TMEM245: variants seen among roughly 807,000 people sequenced by gnomAD.
The protein encoded by TMEM245 is protein CG-2.
TMEM245 carries 69 observed loss-of-function variants against 101.2 expected under a neutral mutation model. That is an observed-to-expected ratio of 0.68 (90% CI 0.56 to 0.83). The LOEUF is 0.83. TMEM245 is among the 40% of genes least tolerant of loss of function. The pLI, the probability that TMEM245 is intolerant of heterozygous loss-of-function variation, is 0.00. For synonymous variants in TMEM245, 537 were observed against 449.8 expected, an observed-to-expected ratio of 1.19 and a Z score of -2.45; for missense variants, 1,075 against 1,092.8, an observed-to-expected ratio of 0.98 and a Z score of 0.23.
chr9:109,076,710 G>C (rs1003494793), intron 8 of TMEM245, among the ~76,000 whole-genome samples: 1 of 151,802 alleles, frequency 6.6e-6, no homozygotes, highest in South Asian at 2.1e-4. Context: ...TTTTGTTTGA[G>C]ACAGTGATCT....
At position 109,119,367 on chromosome 9, in the gene TMEM245, A is replaced by G; in HGVS notation, c.547T>C (p.Cys183Arg). Residue 183 changes from cysteine to arginine, a missense_variant, in exon 1 of 18, where the codon TGC (cysteine) becomes CGC (arginine). By Grantham distance (180) the Cys-to-Arg change is radical (BLOSUM62 -3). This residue lies in a region of TMEM245 where 808 missense variants were observed against 741.5 expected (regional missense o/e 1.09). Coordinates refer to ENST00000374586, the MANE Select transcript of TMEM245 (RefSeq NM_032012.4). ...VLLVHAATLI[C>R]RGLDYFSSLW... ...CTGCTGAAGTAGTCCAGCCCGCGGC[A>G]GATGAGCGTGGCAGCGTGCACCAGC... 2 of 1,531,372 alleles carry G rather than the reference A, an allele frequency of 1.3e-6. No homozygotes were observed. The highest frequency in any genetic ancestry group is 1.7e-6 in the Non-Finnish European group (2 of 1,143,024). 94.9% of individuals were successfully genotyped at this position (1,531,372 alleles called of 1,614,324 possible). A position where few individuals can be genotyped will look rare whatever the true frequency, so the allele number is the denominator to read the frequency against.
chr9:109,058,733 C>T lies in TMEM245; in HGVS notation c.1723-1411G>A, dbSNP rs537553903. On this transcript the variant is annotated intron_variant, in intron 11 of 17. Coordinates refer to ENST00000374586, the MANE Select transcript of TMEM245 (RefSeq NM_032012.4). ...GCTTCAGTGATCCTCCCGCCTCAGT[C>T]TCCCCGAGTAGCTAGGACTACAGGC... Among the ~76,000 whole-genome samples the T allele has an allele frequency of 9.2e-5, 14 of 152,264 alleles. No homozygotes were observed. The South Asian group carries it at 2.9e-3, about 32-fold the overall frequency.
At chr9:109,047,687 G>A (rs1231548999) in intron 14 of TMEM245, among the ~76,000 whole-genome samples, 1 of 152,200 alleles carries the variant, frequency 6.6e-6, no homozygotes, top group Non-Finnish European at 1.5e-5. Context: ...AAGCTGTGAT[G>A]TGAAAATAGA....
At chr9:109,064,597 A>C in intron 9 of TMEM245, 30 bp from the exon 10 acceptor site, 2 of 1,591,498 alleles carry the variant, frequency 1.3e-6, no homozygotes, top group South Asian at 2.2e-5. Context: ...AAAATGAAAA[A>C]AGTACACTTT....
chr9:109,024,803 G>A (rs568710015), intron 17 of TMEM245, among the ~76,000 whole-genome samples: 5 of 152,234 alleles, frequency 3.3e-5, no homozygotes, highest in African/African-American at 9.6e-5. Context: ...ATCTGGAGAA[G>A]TAGAGAGAAG....
intron 12 of TMEM245, among the ~76,000 whole-genome samples, chr9:109,056,661 A>G (rs1445354563): frequency 6.6e-6 from 1 of 152,118 alleles, no homozygotes; most frequent in Admixed American, 6.5e-5. Flanking sequence ...GCAAACCTCA[A>G]TTTTTGTTCA....
chr9:109,117,925 T>C (rs1830770212), intron 1 of TMEM245, among the ~76,000 whole-genome samples: 1 of 152,246 alleles, frequency 6.6e-6, no homozygotes, highest in South Asian at 2.1e-4. Flanking sequence ...AACTGAATTG[T>C]GAAACTGCAA....
intron 10 of TMEM245, among the ~76,000 whole-genome samples, chr9:109,064,102 C>A (rs990344284): frequency 2.0e-5 from 3 of 151,892 alleles, no homozygotes; most frequent in Non-Finnish European, 4.4e-5. Context: ...GAAAAAAAAA[C>A]AAATATTAAA....
chr9:109,067,907 A>G (rs1829216352), intron 9 of TMEM245, among the ~76,000 whole-genome samples: 1 of 152,164 alleles, frequency 6.6e-6, no homozygotes, highest in Non-Finnish European at 1.5e-5. Flanking sequence ...TGAATCCCCT[A>G]CAAGGTCAAC....
At chr9:109,056,632 T>C (rs900024955) in intron 12 of TMEM245, among the ~76,000 whole-genome samples, 14 of 151,890 alleles carry the variant, frequency 9.2e-5, no homozygotes, top group Non-Finnish European at 1.5e-4. Flanking sequence ...AATTAATTAA[T>C]TTTAAAAAGT....
intron 17 of TMEM245, among the ~76,000 whole-genome samples, chr9:109,028,250 G>C (rs1827845100): frequency 6.6e-6 from 1 of 151,388 alleles, no homozygotes; most frequent in African/African-American, 2.4e-5. Flanking sequence ...AGGAGTTCGA[G>C]ACCAGCCTGG....
intron 17 of TMEM245, among the ~76,000 whole-genome samples, chr9:109,020,891 C>T (rs1827601521): frequency 6.6e-6 from 1 of 152,158 alleles, no homozygotes; most frequent in Non-Finnish European, 1.5e-5. Context: ...GAGGAAAAAC[C>T]ACTAAGAGAC....
chr9:109,031,695 A>G (rs948491185), intron 17 of TMEM245, among the ~76,000 whole-genome samples: 2 of 152,236 alleles, frequency 1.3e-5, no homozygotes, highest in Non-Finnish European at 2.9e-5. Flanking sequence ...CATGGGTGTG[A>G]GTACATGAAA....
intron 10 of TMEM245, among the ~76,000 whole-genome samples, chr9:109,063,592 T>G (rs747749185): frequency 2.6e-5 from 4 of 152,236 alleles, no homozygotes. Flanking sequence ...ATACTAAAAG[T>G]GCAAATTACC....
intron 3 of TMEM245, among the ~76,000 whole-genome samples, chr9:109,101,454 T>C (rs1026569242): frequency 6.6e-6 from 1 of 152,136 alleles, no homozygotes; most frequent in African/African-American, 2.4e-5. Flanking sequence ...GGCTGTCCCA[T>C]TACACACCAG....
Position 109,119,907 on chromosome 9 carries a change from C to G in TMEM245, c.7G>C (p.Asp3His). Residue 3 changes from aspartate to histidine, a missense_variant, in exon 1 of 18, where the codon GAC becomes CAC. Physicochemically the swap from Asp to His is moderately conservative, Grantham distance 81. Transcript: ENST00000374586. MA[D>H]GGGPKDAPSL... ...GGCGCGTCCTTAGGGCCGCCGCCGT[C>G]GGCCATCGTTCCTCCGCCACAGCCG... The G allele has an allele frequency of 7.8e-7, 1 of 1,274,630 alleles. No homozygotes were observed. The highest frequency in any genetic ancestry group is 9.8e-7 in the Non-Finnish European group (1 of 1,015,318). 79.0% of individuals were successfully genotyped at this position (1,274,630 alleles called of 1,614,324 possible).
intron 3 of TMEM245, among the ~76,000 whole-genome samples, chr9:109,104,071 C>A (rs1019761076): frequency 6.6e-6 from 1 of 151,224 alleles, no homozygotes; most frequent in Non-Finnish European, 1.5e-5. Context: ...GCCAACAGAA[C>A]GAGACTCCAT....
intron 10 of TMEM245, among the ~76,000 whole-genome samples, chr9:109,063,140 G>A (rs151225980): frequency 1.3e-3 from 202 of 149,794 alleles, no homozygotes; most frequent in Middle Eastern, 6.8e-3. Flanking sequence ...TCTTTTTTTT[G>A]AGATGGAGTT....
intron 3 of TMEM245, among the ~76,000 whole-genome samples, chr9:109,101,355 C>G (rs1206682386): frequency 1.3e-5 from 2 of 152,194 alleles, no homozygotes; most frequent in Non-Finnish European, 2.9e-5. Flanking sequence ...GATGCACACA[C>G]TGTTGTGGCA....
Sources: gnomAD v4.1 joint callset for allele counts (sites outside exome capture counted in the v4.1 genomes callset) on GRCh38, gnomAD v4.1.1 for gene constraint, gnomAD v4.1.1 regional missense constraint, MANE v1.5 for transcripts, NCBI Gene and HGNC (gene_info 2026-07-23, HGNC 2026-07-21) for gene names.